The following EML4 variants were observed in gnomAD, a reference collection of about 807,000 sequenced individuals.
EML4 encodes EMAP like 4, also known as echinoderm microtubule-associated protein-like 4.
A neutral mutation model predicts 129.0 loss-of-function variants in EML4; 72 were observed. That is an observed-to-expected ratio of 0.56 (90% CI 0.46 to 0.68). The LOEUF is 0.68. Among genes scored for constraint, EML4 ranks in the 30% least tolerant of loss-of-function variants. The probability of loss-of-function intolerance (pLI) is 0.00; values close to 1 mark genes in which losing one functional copy is unlikely to be tolerated. For missense variants in EML4, 1,363 were observed against 1,190.6 expected, an observed-to-expected ratio of 1.14 and a Z score of -2.13; for synonymous variants, 532 against 405.0, an observed-to-expected ratio of 1.31 and a Z score of -3.77.
Position 42,329,871 on chromosome 2 carries a change from G to A in EML4, c.2610G>A (p.Leu870=). ...GGAAACTTGTGGAAAAGTTATCTTT[G>A]CCTCAGAATGAGACTGTAGCGGATA... is the stretch of plus-strand genomic sequence containing the variant. The part of the protein sequence containing the change: ...IQWKLVEKLS[L]PQNETVADTT... The change falls in exon 23 of 23, where the codon TTG becomes TTA. Residue 870 remains leucine (L), a synonymous_variant. Coordinates refer to ENST00000318522, the MANE Select transcript of EML4 (RefSeq NM_019063.5). 1 of 1,614,038 alleles carries A rather than the reference G, an allele frequency of 6.2e-7. No homozygotes were observed. The highest frequency in any genetic ancestry group is 8.5e-7 in the Non-Finnish European group (1 of 1,179,994).
intron 1 of EML4, among the ~76,000 whole-genome samples, chr2:42,208,891 A>G (rs1188627696): frequency 6.6e-6 from 1 of 152,098 alleles, no homozygotes; most frequent in African/African-American, 2.4e-5. Context: ...AGTCTAGAAC[A>G]AGAAATAGAA....
chr2:42,274,651 G>A (rs1666556078), intron 6 of EML4, among the ~76,000 whole-genome samples: 1 of 152,142 alleles, frequency 6.6e-6, no homozygotes, highest in African/African-American at 2.4e-5. Context: ...TTATACGTGA[G>A]TATGAACCAT....
chr2:42,282,781 A>G lies in EML4; in HGVS notation c.792-42A>G. ...CCATGAAAAATCTGTTAACAACTTGAAAACTGTGTTTATTTAAAACCTTGA... is the reference window on the plus strand; with the variant it reads ...CCATGAAAAATCTGTTAACAACTTGGAAACTGTGTTTATTTAAAACCTTGA... On this transcript the variant is annotated intron_variant, in intron 7 of 22. Coordinates refer to ENST00000318522, the MANE Select transcript of EML4 (RefSeq NM_019063.5). The G allele has an allele frequency of 2.5e-6, 4 of 1,573,824 alleles. No individual in the cohort carries two copies. In the South Asian group the frequency reaches 4.5e-5, roughly 18 times the overall value.
chr2:42,274,236 G>C (rs1666530628), intron 6 of EML4, among the ~76,000 whole-genome samples: 1 of 152,050 alleles, frequency 6.6e-6, no homozygotes, highest in Non-Finnish European at 1.5e-5. Context: ...ATTCCAGTTT[G>C]GGGGAGGCTT....
At chr2:42,264,829 C>T in intron 6 of EML4, 98 bp downstream of exon 6, 1 of 1,410,226 alleles carries the variant, frequency 7.1e-7, no homozygotes, top group South Asian at 1.2e-5. Flanking sequence ...TTTATCAGTT[C>T]ATAGTAATCA....
Position 42,261,128 on chromosome 2 carries a change from GA to G in EML4, c.353del (p.Lys118ArgfsTer55). On this transcript the variant is annotated frameshift_variant, in exon 4 of 23. Coordinates refer to ENST00000318522, the MANE Select transcript of EML4 (RefSeq NM_019063.5). LOFTEE classifies it high-confidence loss of function. ...TTATACTTTATTTTACAGTGGTACA[GA>G]AAAAAAGAAAGAAAAACCACAAGGA... is the stretch of plus-strand genomic sequence containing the variant. ...TLSSAAKSGT[E>X]KKKEKPQGQR... is the part of the protein sequence containing the mutation. The G allele has an allele frequency of 6.2e-7, 1 of 1,603,240 alleles. No individual in the cohort carries two copies. Among genetic ancestry groups the G allele is most frequent in the Admixed American group, 1.7e-5 (1 of 58,610 alleles).
intron 1 of EML4, among the ~76,000 whole-genome samples, chr2:42,214,137 G>C (rs1673038832): frequency 6.6e-6 from 1 of 152,152 alleles, no homozygotes; most frequent in African/African-American, 2.4e-5. Flanking sequence ...TCATTTCTCT[G>C]TTAACTCTTT....
rs575138519 is a variant in EML4 at position 42,248,348 on chromosome 2, C to A, written c.208+2661C>A. ...CTAAGGTATTTCAGTAAAGAAAATT[C>A]TGAAATATTTTAAAGAAATTTAAAA... On this transcript the variant is annotated intron_variant, in intron 2 of 22. Transcript: ENST00000318522. Among the ~76,000 whole-genome samples, 200 of 152,178 alleles carry A rather than the reference C, an allele frequency of 1.3e-3. 3 individuals carry two copies. Among genetic ancestry groups the A allele is most frequent in the Non-Finnish European group, 3.8e-4 (26 of 67,984 alleles).
rs966427428 is a variant in EML4 at position 42,310,895 on chromosome 2, C to A, written c.1968-5067C>A. 3.3e-5 allele frequency among the ~76,000 whole-genome samples: 5 copies of A among 151,854 alleles called. 1 individual carries two copies. The South Asian group carries it at 1.0e-3, about 32-fold the overall frequency. ...GTCTTTTCTGAAGGTAAAACATAGT[C>A]CTTACAATGAAAAGGGGTGAGAACT... On this transcript the variant is annotated intron_variant, in intron 17 of 22. Coordinates refer to ENST00000318522, the MANE Select transcript of EML4 (RefSeq NM_019063.5).
chr2:42,277,581 T>C (rs1666726984), intron 6 of EML4, among the ~76,000 whole-genome samples: 1 of 151,686 alleles, frequency 6.6e-6, no homozygotes, highest in Non-Finnish European at 1.5e-5. Flanking sequence ...TTTTTTTTTT[T>C]TTTTTTGAGA....
intron 1 of EML4, among the ~76,000 whole-genome samples, chr2:42,238,117 T>A (rs1674789988): frequency 6.6e-6 from 1 of 152,188 alleles, no homozygotes; most frequent in African/African-American, 2.4e-5. Flanking sequence ...AAGATGTAAG[T>A]GGAACATAAA....
intron 1 of EML4, among the ~76,000 whole-genome samples, chr2:42,230,364 C>G (rs1163694754): frequency 6.7e-6 from 1 of 149,458 alleles, no homozygotes; most frequent in East Asian, 2.0e-4. Flanking sequence ...GTGGTATATA[C>G]AATTCCACAC....
intron 1 of EML4, among the ~76,000 whole-genome samples, chr2:42,212,652 C>G (rs75598095): frequency 2.6e-5 from 4 of 152,330 alleles, no homozygotes; most frequent in African/African-American, 9.6e-5. Flanking sequence ...ATGACACCCA[C>G]AGATACACTT....
At chr2:42,239,348 C>T (rs75466656) in intron 1 of EML4, among the ~76,000 whole-genome samples, 1,548 of 152,252 alleles carry the variant, frequency 0.01, 28 homozygotes, top group African/African-American at 0.034. Flanking sequence ...CTTACCTTTG[C>T]AAAGGTGACA....
chr2:42,235,377 T>C (rs902264593), intron 1 of EML4, among the ~76,000 whole-genome samples: 2 of 113,084 alleles, frequency 1.8e-5, no homozygotes, highest in Non-Finnish European at 3.8e-5. Flanking sequence ...CGAGAATTAC[T>C]TGAGCAGCCT....
intron 21 of EML4, 56 bp downstream of exon 21, chr2:42,326,308 AT>A: frequency 8.6e-7 from 1 of 1,158,514 alleles, no homozygotes; most frequent in Non-Finnish European, 1.3e-6. Context: ...TATATATAAT[AT>A]TTACTTGCTT....
At chr2:42,213,564 A>G (rs1673005705) in intron 1 of EML4, among the ~76,000 whole-genome samples, 2 of 152,194 alleles carry the variant, frequency 1.3e-5, no homozygotes, top group Non-Finnish European at 1.5e-5. Flanking sequence ...TCCATTGCAT[A>G]CTTTTATGTA....
At position 42,261,191 on chromosome 2, in the gene EML4, C is replaced by A; in HGVS notation, c.409C>A (p.Gln137Lys). 6.2e-7 allele frequency: 1 copy of A among 1,613,800 alleles called. No individual in the cohort carries two copies. The highest frequency in any genetic ancestry group is 1.1e-5 in the South Asian group (1 of 91,076). ...AAAAGAGGAATCTCATTCTAATGAT[C>A]AAAGTCCACAAATTCGAGCATCACC... ...EKKEESHSND[Q>K]SPQIRASPSP... Residue 137 changes from glutamine to lysine, a missense_variant, in exon 4 of 23, where the codon CAA becomes AAA. Gln to Lys is a moderately conservative substitution (Grantham distance 53). Transcript: ENST00000318522.
At chr2:42,315,744 G>A (rs1439231) in intron 17 of EML4, among the ~76,000 whole-genome samples, 34,361 of 151,794 alleles carry the variant, frequency 0.23, 5,360 homozygotes, top group African/African-American at 0.45. Flanking sequence ...AGCCAGGCAC[G>A]GTGGTATGCA....
Sources: allele counts gnomAD v4.1 joint callset (sites outside exome capture counted in the v4.1 genomes callset), GRCh38; gene constraint gnomAD v4.1.1; transcripts MANE v1.5; gene names NCBI Gene and HGNC (gene_info 2026-07-23, HGNC 2026-07-21).